The following TANGO6 variants were observed in gnomAD, a reference collection of about 807,000 sequenced individuals.
TANGO6 encodes the protein transport and Golgi organization protein 6 homolog.
TANGO6 carries 90 observed loss-of-function variants against 114.2 expected under a neutral mutation model. The ratio of observed to expected loss-of-function variants is 0.79; its 90% CI spans 0.66 to 0.94. The LOEUF is 0.94. Among genes scored for constraint, TANGO6 ranks in the 40% least tolerant of loss-of-function variants. The pLI, the probability that TANGO6 is intolerant of heterozygous loss-of-function variation, is 0.00. For missense variants in TANGO6, 1,274 were observed against 1,315.3 expected (o/e 0.97, Z 0.49); for synonymous variants, 477 against 509.8 (o/e 0.94, Z 0.87).
chr16:68,888,177 G>C lies in TANGO6; in HGVS notation c.1377+7547G>C, dbSNP rs113282400. Reference sequence around the variant, plus strand: ...TACCTTCTATCTGGTAAAATTATCTGAGACATAAAGGGGATACACGGCTCA... The same window carrying C: ...TACCTTCTATCTGGTAAAATTATCTCAGACATAAAGGGGATACACGGCTCA... On this transcript the variant is annotated intron_variant, in intron 7 of 17. Transcript: ENST00000261778. 1.8e-3 allele frequency among the ~76,000 whole-genome samples: 269 copies of C among 152,254 alleles called. 1 individual carries two copies. Among genetic ancestry groups the C allele is most frequent in the Non-Finnish European group, 3.0e-3 (207 of 68,016 alleles).
At chr16:68,986,511 A>G (rs908886648) in intron 15 of TANGO6, among the ~76,000 whole-genome samples, 1 of 151,912 alleles carries the variant, frequency 6.6e-6, no homozygotes, top group Admixed American at 6.6e-5. Flanking sequence ...TTTAGCAATC[A>G]CTTTACCCCT....
chr16:69,015,468 A>T (rs562800248), intron 15 of TANGO6, among the ~76,000 whole-genome samples: 6 of 148,214 alleles, frequency 4.0e-5, no homozygotes, highest in African/African-American at 7.4e-5. Context: ...ATTTTATTTT[A>T]TTTATTTATT....
At chr16:68,953,157 C>T (rs1203812493) in intron 14 of TANGO6, among the ~76,000 whole-genome samples, 1 of 151,534 alleles carries the variant, frequency 6.6e-6, no homozygotes, top group Non-Finnish European at 1.5e-5. Context: ...AATCTTGGCT[C>T]ACTGCAACCT....
chr16:68,946,407 G>A (rs1963415095), intron 14 of TANGO6, among the ~76,000 whole-genome samples: 1 of 151,892 alleles, frequency 6.6e-6, no homozygotes, highest in African/African-American at 2.4e-5. Context: ...TGTTAGCCAG[G>A]ATGGTCTTGA....
At chr16:68,894,273 T>G (rs911470846) in intron 7 of TANGO6, among the ~76,000 whole-genome samples, 1 of 152,214 alleles carries the variant, frequency 6.6e-6, no homozygotes, top group Non-Finnish European at 1.5e-5. Context: ...GACCAGATTC[T>G]ACTTTGGGAG....
At chr16:68,875,920 CA>C (rs1044279530) in intron 5 of TANGO6, among the ~76,000 whole-genome samples, 7 of 152,124 alleles carry the variant, frequency 4.6e-5, no homozygotes, top group Non-Finnish European at 8.8e-5. Flanking sequence ...ATTAAATAAA[CA>C]AGGTAAATTA....
chr16:69,083,580 C>T lies in TANGO6; in HGVS notation c.3204C>T (p.Ala1068=), dbSNP rs1443128109. The T allele has an allele frequency of 3.1e-6, 5 of 1,604,406 alleles. No individual in the cohort carries two copies. Among genetic ancestry groups the T allele is most frequent in the African/African-American group, 1.3e-5 (1 of 74,892 alleles). ...DDVAKLHAQL[A]LEELDDIMKN... is the part of the protein sequence containing the mutation. ...TGGCCAAGCTCCATGCCCAGTTGGC[C>T]CTAGAAGAGCTGGATGACATCATGA... The change falls in exon 18 of 18, where the codon GCC becomes GCT. Residue 1068 remains alanine (A), a synonymous_variant. Coordinates refer to ENST00000261778, the MANE Select transcript of TANGO6 (RefSeq NM_024562.2).
intron 3 of TANGO6, among the ~76,000 whole-genome samples, chr16:68,863,993 G>C (rs1248221571): frequency 6.6e-6 from 1 of 151,802 alleles, no homozygotes; most frequent in East Asian, 1.9e-4. Context: ...TGACCAACAT[G>C]GAGAAACCCT....
At chr16:68,869,909 C>T (rs1162818118) in intron 4 of TANGO6, among the ~76,000 whole-genome samples, 2 of 152,050 alleles carry the variant, frequency 1.3e-5, no homozygotes, top group African/African-American at 2.4e-5. Context: ...GGGCAGAGTG[C>T]AGGTAGAGTG....
At chr16:68,949,274 A>G (rs74442092) in intron 14 of TANGO6, among the ~76,000 whole-genome samples, 8,423 of 152,310 alleles carry the variant, frequency 0.055, 318 homozygotes, top group Non-Finnish European at 0.077. Flanking sequence ...AGCTTTCTGT[A>G]TAGAACTTTT....
At chr16:68,998,789 C>G (rs1319670100) in intron 15 of TANGO6, among the ~76,000 whole-genome samples, 1 of 151,728 alleles carries the variant, frequency 6.6e-6, no homozygotes, top group African/African-American at 2.4e-5. Context: ...TAAACTTGGC[C>G]TGATCATGTA....
intron 11 of TANGO6, among the ~76,000 whole-genome samples, chr16:68,918,062 G>A (rs182930651): frequency 6.6e-6 from 1 of 152,086 alleles, no homozygotes; most frequent in Admixed American, 6.6e-5. Flanking sequence ...GAGACCACAG[G>A]TGTGCCACCA....
At chr16:68,960,247 G>C (rs922531790) in intron 14 of TANGO6, among the ~76,000 whole-genome samples, 1 of 149,458 alleles carries the variant, frequency 6.7e-6, no homozygotes, top group Non-Finnish European at 1.5e-5. Flanking sequence ...AGCAGTAATT[G>C]CCGTTTTCTT....
chr16:69,010,499 G>C (rs940368230), intron 15 of TANGO6, among the ~76,000 whole-genome samples: 3 of 151,972 alleles, frequency 2.0e-5, no homozygotes, highest in Non-Finnish European at 4.4e-5. Flanking sequence ...CAGTTACCTG[G>C]TACAGTTGCT....
At chr16:68,897,277 T>C (rs1321275869) in intron 7 of TANGO6, among the ~76,000 whole-genome samples, 1 of 152,100 alleles carries the variant, frequency 6.6e-6, no homozygotes, top group East Asian at 1.9e-4. Context: ...TTAACCTGCT[T>C]TATTTTTCTT....
intron 12 of TANGO6, among the ~76,000 whole-genome samples, chr16:68,921,118 C>CAAA (rs374286269): frequency 4.3e-4 from 24 of 55,634 alleles, no homozygotes; most frequent in African/African-American, 7.9e-4. Context: ...GACTCTGTCT[C>CAAA]AAAAAAAAAA....
At chr16:69,052,847 G>T (rs1211372612) in intron 17 of TANGO6, among the ~76,000 whole-genome samples, 1 of 152,102 alleles carries the variant, frequency 6.6e-6, no homozygotes, top group East Asian at 1.9e-4. Context: ...GGTGGCTCAT[G>T]CCTGTAATCC....
intron 14 of TANGO6, among the ~76,000 whole-genome samples, chr16:68,931,283 C>G (rs947589927): frequency 2.0e-5 from 3 of 152,154 alleles, no homozygotes; most frequent in African/African-American, 7.2e-5. Flanking sequence ...TTTTTGTTAT[C>G]TGTGAAAAGG....
intron 4 of TANGO6, chr16:68,867,949 C>T (rs1962205762): frequency 6.7e-6 from 1 of 148,514 alleles, no homozygotes; most frequent in Non-Finnish European, 1.5e-5. Flanking sequence ...CAAGACCAGC[C>T]TGGGCCACAT....
Sources: gnomAD v4.1 joint callset for allele counts (sites outside exome capture counted in the v4.1 genomes callset) on GRCh38, gnomAD v4.1.1 for gene constraint, MANE v1.5 for transcripts, NCBI Gene and HGNC (gene_info 2026-07-23, HGNC 2026-07-21) for gene names.